The following CCNY variants were observed in gnomAD, a reference collection of about 807,000 sequenced individuals.
The protein encoded by CCNY is cyclin-Y.
In CCNY, 19 loss-of-function variants were observed where a neutral mutation model predicts 42.8. That is an observed-to-expected ratio of 0.44 (90% CI 0.31 to 0.65). CCNY has a LOEUF of 0.65. CCNY is among the 30% of genes least tolerant of loss of function. CCNY has a pLI of 0.07. For synonymous variants in CCNY, 165 were observed against 162.7 expected, an observed-to-expected ratio of 1.01 and a Z score of -0.11; for missense variants, 370 against 437.3, an observed-to-expected ratio of 0.85 and a Z score of 1.37.
intron 7 of CCNY, among the ~76,000 whole-genome samples, chr10:35,532,403 C>A (rs562537960): frequency 6.6e-6 from 1 of 152,348 alleles, no homozygotes; most frequent in South Asian, 2.1e-4. Context: ...CCTGGCCGTG[C>A]TTCCCACACG....
chr10:35,294,015 C>G (rs1222986863), intron 3 of CCNY, among the ~76,000 whole-genome samples: 1 of 152,180 alleles, frequency 6.6e-6, no homozygotes, highest in Non-Finnish European at 1.5e-5. Flanking sequence ...GTCTCGAACT[C>G]CTGACCTCAA....
At chr10:35,516,495 C>T in intron 3 of CCNY, 28 bp from the exon 4 acceptor site, 1 of 1,498,982 alleles carries the variant, frequency 6.7e-7, no homozygotes, top group Non-Finnish European at 9.3e-7. Flanking sequence ...TGTGTAATTG[C>T]CTTAATCTTC....
intron 1 of CCNY, among the ~76,000 whole-genome samples, chr10:35,469,111 C>T (rs1839330838): frequency 6.6e-6 from 1 of 152,196 alleles, no homozygotes; most frequent in Non-Finnish European, 1.5e-5. Flanking sequence ...CTGGTGTGAA[C>T]CCGCATGTGT....
intron 7 of CCNY, among the ~76,000 whole-genome samples, chr10:35,550,270 G>C (rs1464735072): frequency 7.1e-6 from 1 of 141,790 alleles, no homozygotes; most frequent in Non-Finnish European, 1.5e-5. Flanking sequence ...GCTGCTCATA[G>C]TCCGTGACCC....
intron 1 of CCNY, among the ~76,000 whole-genome samples, chr10:35,370,815 A>G (rs1399603185): frequency 6.6e-6 from 1 of 151,326 alleles, no homozygotes; most frequent in African/African-American, 2.4e-5. Flanking sequence ...TCCTGGGTTC[A>G]TGCCATTCTC....
At chr10:35,277,844 G>A (rs192689798) in intron 3 of CCNY, among the ~76,000 whole-genome samples, 43 of 152,240 alleles carry the variant, frequency 2.8e-4, no homozygotes, top group Admixed American at 1.4e-3. Context: ...CTGGGTTTGG[G>A]CCTGTGCACC....
intron 1 of CCNY, among the ~76,000 whole-genome samples, chr10:35,482,988 C>T (rs760004139): frequency 1.3e-5 from 2 of 152,126 alleles, no homozygotes; most frequent in Admixed American, 6.6e-5. Context: ...CTGATTCGCC[C>T]TAACGAGTTG....
intron 1 of CCNY, among the ~76,000 whole-genome samples, chr10:35,423,082 A>G (rs956976711): frequency 1.3e-5 from 2 of 152,174 alleles, no homozygotes; most frequent in East Asian, 1.9e-4. Flanking sequence ...CCAGTCTCCT[A>G]AAGTAAAATG....
chr10:35,554,079 C>G (rs1322769896), intron 8 of CCNY, among the ~76,000 whole-genome samples: 1 of 152,106 alleles, frequency 6.6e-6, no homozygotes, highest in Non-Finnish European at 1.5e-5. Context: ...AGGAGGTTAC[C>G]AGCTCTGTCT....
chr10:35,529,891 T>A, intron 5 of CCNY, 82 bp from the exon 6 acceptor site: 2 of 1,327,120 alleles, frequency 1.5e-6, no homozygotes, highest in Non-Finnish European at 2.1e-6. Flanking sequence ...AAAAAAGTCA[T>A]TGAATTAAAA....
intron 1 of CCNY, among the ~76,000 whole-genome samples, chr10:35,342,472 C>A (rs954424085): frequency 6.6e-6 from 1 of 152,194 alleles, no homozygotes; most frequent in African/African-American, 2.4e-5. Context: ...AGCCATTCTC[C>A]ATAGCACTGA....
chr10:35,504,359 A>G (rs1218859546), intron 3 of CCNY, among the ~76,000 whole-genome samples: 4 of 152,182 alleles, frequency 2.6e-5, no homozygotes, highest in African/African-American at 7.2e-5. Flanking sequence ...TCTCCAGGGA[A>G]TGGGGCAGTA....
intron 3 of CCNY, among the ~76,000 whole-genome samples, chr10:35,513,366 G>C (rs1840360890): frequency 6.6e-6 from 1 of 152,016 alleles, no homozygotes; most frequent in South Asian, 2.1e-4. Context: ...CTGTATTTGG[G>C]ACAATCTTTC....
At chr10:35,500,194 T>C (rs1238326338) in intron 2 of CCNY, among the ~76,000 whole-genome samples, 1 of 152,250 alleles carries the variant, frequency 6.6e-6, no homozygotes, top group African/African-American at 2.4e-5. Context: ...CGCCTGCACA[T>C]GCGTCCATCC....
chr10:35,452,011 T>G (rs561118641), intron 1 of CCNY, among the ~76,000 whole-genome samples: 1 of 152,334 alleles, frequency 6.6e-6, no homozygotes, highest in South Asian at 2.1e-4. Flanking sequence ...TTTTATTCTT[T>G]AATAGTTCAA....
chr10:35,548,744 T>C (rs1325020312), intron 7 of CCNY, among the ~76,000 whole-genome samples: 1 of 151,860 alleles, frequency 6.6e-6, no homozygotes, highest in African/African-American at 2.4e-5. Context: ...GTGGAGAAGG[T>C]GGAAGGGAGG....
chr10:35,330,283 A>G (rs1471391788), intron 3 of CCNY, among the ~76,000 whole-genome samples: 1 of 152,232 alleles, frequency 6.6e-6, no homozygotes, highest in Non-Finnish European at 1.5e-5. Context: ...AAAGTAATGC[A>G]TCTGACAATC....
intron 3 of CCNY, among the ~76,000 whole-genome samples, chr10:35,317,019 T>C (rs1835768204): frequency 6.6e-6 from 1 of 152,222 alleles, no homozygotes; most frequent in Non-Finnish European, 1.5e-5. Context: ...CTAATTTTTC[T>C]ATTTTTAGTA....
chr10:35,463,295 G>A (rs1202365136), intron 1 of CCNY, among the ~76,000 whole-genome samples: 2 of 152,104 alleles, frequency 1.3e-5, no homozygotes, highest in Non-Finnish European at 2.9e-5. Context: ...TCTGGCACAT[G>A]GTAGATGCTT....
Sources: gnomAD v4.1 joint callset for allele counts (sites outside exome capture counted in the v4.1 genomes callset) on GRCh38, gnomAD v4.1.1 for gene constraint, MANE v1.5 for transcripts, NCBI Gene and HGNC (gene_info 2026-07-23, HGNC 2026-07-21) for gene names.